The following ARHGEF17 variants were observed in gnomAD, a reference collection of about 807,000 sequenced individuals.
ARHGEF17 encodes 164 kDa Rho-specific guanine-nucleotide exchange factor.
A neutral mutation model predicts 174.0 loss-of-function variants in ARHGEF17; 80 were observed. That is an observed-to-expected ratio of 0.46 (90% CI 0.38 to 0.55). ARHGEF17 has a LOEUF of 0.55. Ranked by LOEUF, ARHGEF17 falls within the 20% of genes least tolerant of loss-of-function variation. The pLI is 0.00. For missense variants in ARHGEF17, 2,886 were observed against 2,839.7 expected (o/e 1.02, Z -0.37); for synonymous variants, 1,311 against 1,189.1 (o/e 1.10, Z -2.11).
At position 73,308,860 on chromosome 11, in the gene ARHGEF17, G is replaced by A; in HGVS notation, c.222G>A (p.Pro74=). The A allele has an allele frequency of 7.5e-7, 1 of 1,341,430 alleles. No individual in the cohort carries two copies. The highest frequency in any genetic ancestry group is 9.5e-7 in the Non-Finnish European group (1 of 1,053,166). The allele number at this position is 1,341,430 out of a possible 1,614,324, so 83.1% of individuals were successfully genotyped here. ...TGGCCGCCCCCGCGCAGCCGCGCCC[G>A]CTCCGCAGCCTCTCGCCGTCGGTTC... is the stretch of plus-strand genomic sequence containing the variant. ...GPLAAPAQPR[P]LRSLSPSVRQ... The change falls in exon 1 of 21, where the codon CCG becomes CCA. Residue 74 remains proline, a synonymous_variant. Transcript: ENST00000263674.
At chr11:73,360,255 AT>A in intron 10 of ARHGEF17, 64 bp from the exon 11 acceptor site, 1 of 1,574,402 alleles carries the variant, frequency 6.4e-7, no homozygotes, top group Non-Finnish European at 8.7e-7. Context: ...GTCCCCACAC[AT>A]TAAGGGCAGG....
In ARHGEF17 at chr11:73,309,793, A is replaced by G; in HGVS notation, c.1155A>G (p.Ala385=). 6.2e-7 allele frequency: 1 copy of G among 1,613,014 alleles called. No individual in the cohort carries two copies. Among genetic ancestry groups the G allele is most frequent in the Non-Finnish European group, 8.5e-7 (1 of 1,180,002 alleles). ...TTCCCTCGTACCTGGCCAGCCCCGC[A>G]GGCTCCCGCGGTAGCAGCCGTTATT... ...VSFPSYLASP[A]GSRGSSRYSS... Residue 385 remains alanine (A), a synonymous_variant, in exon 1 of 21, where the codon GCA becomes GCG. Coordinates refer to ENST00000263674, the MANE Select transcript of ARHGEF17 (RefSeq NM_014786.4).
Position 73,367,623 on chromosome 11 carries a change from C to T in ARHGEF17, c.6035C>T (p.Pro2012Leu). 1.2e-6 allele frequency: 2 copies of T among 1,613,960 alleles called. No individual in the cohort carries two copies. Among genetic ancestry groups the T allele is most frequent in the Non-Finnish European group, 1.7e-6 (2 of 1,179,958 alleles). ...CCATCACTGGAGCACCGGGACTCCC[C>T]TTGGCACCGAGGCCCCGCCCCTGCC... The part of the protein sequence containing the change: ...KLPSLEHRDS[P>L]WHRGPAPARP... Residue 2012 changes from proline to leucine, a missense_variant, in exon 21 of 21, where the codon CCT becomes CTT. By Grantham distance (98) the Pro-to-Leu change is moderately conservative. This residue lies in a region of ARHGEF17 where 329 missense variants were observed against 435.2 expected (regional missense o/e 0.76). Transcript: ENST00000263674.
Position 73,356,237 on chromosome 11 carries a change from G to A in ARHGEF17, c.3726G>A (p.Arg1242=). The change falls in exon 6 of 21, where the codon CGG becomes CGA. Residue 1242 remains arginine (R), a synonymous_variant. Coordinates refer to ENST00000263674, the MANE Select transcript of ARHGEF17 (RefSeq NM_014786.4). The part of the protein sequence containing the change: ...PDHPLLLEAQ[R]NIKQVAERIN... ...ATCCACTCCTGCTGGAGGCGCAGCG[G>A]AACATCAAGCAGGTGGCTGAGCGCA... The A allele has an allele frequency of 6.2e-7, 1 of 1,613,932 alleles. No homozygotes were observed. The highest frequency in any genetic ancestry group is 2.2e-5 in the East Asian group (1 of 44,876).
rs116046658 is a variant in ARHGEF17, at chr11:73,349,204, T to C, written c.3270+2244T>C. 9.5e-4 allele frequency among the ~76,000 whole-genome samples: 145 copies of C among 152,252 alleles called. 2 individuals carry two copies. Among genetic ancestry groups the C allele is most frequent in the African/African-American group, 3.3e-3 (138 of 41,542 alleles). ...AGTTGGAGGCATTAGGGTCAGACAG[T>C]CCAGGGTTGAAGTCACGTGCGTCCT... On this transcript the variant is annotated intron_variant, in intron 2 of 20. Coordinates refer to ENST00000263674, the MANE Select transcript of ARHGEF17 (RefSeq NM_014786.4).
chr11:73,353,457 T>C (rs1865589195), intron 3 of ARHGEF17, among the ~76,000 whole-genome samples: 1 of 152,238 alleles, frequency 6.6e-6, no homozygotes, highest in Non-Finnish European at 1.5e-5. Flanking sequence ...GTCTTGACTT[T>C]TTCTCCATCA....
rs775773906 is a variant in ARHGEF17, at chr11:73,311,558, C to T, written c.2920C>T (p.Pro974Ser). The T allele has an allele frequency of 3.1e-6, 5 of 1,613,660 alleles. No homozygotes were observed. The highest frequency in any genetic ancestry group is 3.4e-6 in the Non-Finnish European group (4 of 1,180,044). The change falls in exon 1 of 21, where the codon CCA becomes TCA. Residue 974 changes from proline to serine, a missense_variant. Physicochemically the swap from Pro to Ser is moderately conservative, Grantham distance 74 (BLOSUM62 -1). This residue lies in a region of ARHGEF17 where 1,728 missense variants were observed against 1,461.2 expected (regional missense o/e 1.18). Coordinates refer to ENST00000263674, the MANE Select transcript of ARHGEF17 (RefSeq NM_014786.4). ...ATTTATGCCTATTGTGGTGCCTGAG[C>T]CACCAACTTCTGTTGGTCCCCCTGT... ...ATFMPIVVPE[P>S]PTSVGPPVAV...
At chr11:73,353,110 TACTG>T in intron 3 of ARHGEF17, 98 bp downstream of exon 3, 6 of 1,431,740 alleles carry the variant, frequency 4.2e-6, no homozygotes, top group Non-Finnish European at 5.7e-6. Flanking sequence ...CCCACCTGGA[TACTG>T]ACTCTGTTTC....
intron 1 of ARHGEF17, among the ~76,000 whole-genome samples, chr11:73,336,187 A>T (rs892230334): frequency 1.3e-5 from 2 of 152,206 alleles, no homozygotes; most frequent in Non-Finnish European, 2.9e-5. Flanking sequence ...GCTTTGCCAC[A>T]TCCTGACTTC....
chr11:73,308,755 G>A lies in ARHGEF17; in HGVS notation c.117G>A (p.Arg39=). 2 of 1,473,080 alleles carry A rather than the reference G, an allele frequency of 1.4e-6. No homozygotes were observed. Among genetic ancestry groups the A allele is most frequent in the Non-Finnish European group, 1.8e-6 (2 of 1,119,152 alleles). The allele number at this position is 1,473,080 out of a possible 1,614,324, so 91.3% of individuals were successfully genotyped here. A position where few individuals can be genotyped will look rare whatever the true frequency, so the allele number is the denominator to read the frequency against. The change falls in exon 1 of 21, where the codon AGG becomes AGA. Residue 39 remains arginine (R), a synonymous_variant. Transcript: ENST00000263674. Reference sequence around the variant, plus strand: ...AGGACACGGACACCCCCGGCTTGAGGCGACGCGCCTCGTGCCGGCCGACCA... The same window carrying A: ...AGGACACGGACACCCCCGGCTTGAGACGACGCGCCTCGTGCCGGCCGACCA... The part of the protein sequence containing the change: ...REEDTDTPGL[R]RRASCRPTTA...
At chr11:73,325,322 T>G (rs1207054081) in intron 1 of ARHGEF17, among the ~76,000 whole-genome samples, 1 of 152,052 alleles carries the variant, frequency 6.6e-6, no homozygotes, top group Non-Finnish European at 1.5e-5. Context: ...TCGCTTCCTG[T>G]GTGGCCAGGC....
intron 1 of ARHGEF17, among the ~76,000 whole-genome samples, chr11:73,341,572 A>C (rs573432691): frequency 2.0e-5 from 3 of 152,230 alleles, no homozygotes; most frequent in Non-Finnish European, 4.4e-5. Context: ...TCAGCCTCCC[A>C]AAGTGCTGGG....
intron 1 of ARHGEF17, among the ~76,000 whole-genome samples, chr11:73,320,587 A>G (rs1351239300): frequency 2.9e-5 from 4 of 137,388 alleles, no homozygotes; most frequent in Non-Finnish European, 4.5e-5. Context: ...GCACTACTGC[A>G]CTCCACACTC....
chr11:73,355,282 G>A (rs1865618244), intron 3 of ARHGEF17, among the ~76,000 whole-genome samples: 1 of 152,182 alleles, frequency 6.6e-6, no homozygotes, highest in African/African-American at 2.4e-5. Flanking sequence ...ATACATTCAG[G>A]TCTACATATG....
intron 1 of ARHGEF17, among the ~76,000 whole-genome samples, chr11:73,329,527 G>A (rs1865169916): frequency 6.7e-6 from 1 of 150,124 alleles, no homozygotes; most frequent in Non-Finnish European, 1.5e-5. Flanking sequence ...AGCCTCCCGA[G>A]TAGCTTGGAT....
rs145671965 is a variant in ARHGEF17, at chr11:73,351,505, G to A, written c.3271-1325G>A. On this transcript the variant is annotated intron_variant, in intron 2 of 20. Coordinates refer to ENST00000263674, the MANE Select transcript of ARHGEF17 (RefSeq NM_014786.4). The stretch of plus-strand genomic sequence containing the variant: ...GCAGGTCTGAAATCTGTATAACAGC[G>A]TTCAGAAAGTGTCAATAAGAGTCTC... 3.4e-3 allele frequency among the ~76,000 whole-genome samples: 519 copies of A among 152,252 alleles called. 3 individuals carry two copies. Among genetic ancestry groups the A allele is most frequent in the Non-Finnish European group, 6.7e-3 (457 of 68,022 alleles).
At chr11:73,338,128 A>T (rs147506069) in intron 1 of ARHGEF17, among the ~76,000 whole-genome samples, 2 of 152,182 alleles carry the variant, frequency 1.3e-5, no homozygotes, top group East Asian at 3.9e-4. Flanking sequence ...TTTCCAGAAG[A>T]GAGGGTCTCT....
intron 1 of ARHGEF17, among the ~76,000 whole-genome samples, chr11:73,327,907 A>G (rs1343933163): frequency 6.6e-6 from 1 of 152,144 alleles, no homozygotes; most frequent in African/African-American, 2.4e-5. Flanking sequence ...GTAATTATTC[A>G]TTGGAAAAGC....
chr11:73,309,106 C>T lies in ARHGEF17; in HGVS notation c.468C>T (p.Ala156=). The T allele has an allele frequency of 6.4e-7, 1 of 1,560,562 alleles. No homozygotes were observed. The highest frequency in any genetic ancestry group is 8.6e-7 in the Non-Finnish European group (1 of 1,156,164). Residue 156 remains alanine, a synonymous_variant, in exon 1 of 21, where the codon GCC becomes GCT. Coordinates refer to ENST00000263674, the MANE Select transcript of ARHGEF17 (RefSeq NM_014786.4). ...CAGGAACGCCCAGCCCCGACGGTGC[C>T]GCGTGGGAGCCTCCGGCTCGGGAGT... ...ESPGTPSPDG[A]AWEPPARESR...
Sources: gnomAD v4.1 joint callset for allele counts (sites outside exome capture counted in the v4.1 genomes callset) on GRCh38, gnomAD v4.1.1 for gene constraint, gnomAD v4.1.1 regional missense constraint, MANE v1.5 for transcripts, NCBI Gene and HGNC (gene_info 2026-07-23, HGNC 2026-07-21) for gene names.